The following PLCH2 variants were observed in gnomAD, a reference collection of about 807,000 sequenced individuals.
PLCH2 encodes the protein phospholipase C eta 2.
PLCH2 carries 98 observed loss-of-function variants against 134.7 expected under a neutral mutation model. The ratio of observed to expected loss-of-function variants is 0.73; its 90% CI spans 0.62 to 0.86. PLCH2 has a LOEUF of 0.86. PLCH2 is among the 40% of genes least tolerant of loss of function. PLCH2 has a pLI of 0.00. For missense variants in PLCH2, 1,994 were observed against 1,986.6 expected (o/e 1.00, Z -0.07); for synonymous variants, 974 against 827.5 (o/e 1.18, Z -3.04).
At chr1:2,463,659 G>A (rs572493299), upstream of PLCH2, among the ~76,000 whole-genome samples, 20 of 152,332 alleles carry the variant, frequency 1.3e-4, no homozygotes, top group African/African-American at 3.1e-4. Context: ...CCCGCGACCC[G>A]AGAACAGGGC....
chr1:2,451,649 G>A (rs1471546054), intron 2 of PLCH2, among the ~76,000 whole-genome samples: 1 of 152,210 alleles, frequency 6.6e-6, no homozygotes, highest in Non-Finnish European at 1.5e-5. Context: ...TGACCCCTCA[G>A]AGGGTCAGCC....
At chr1:2,503,147 G>C in intron 21 of PLCH2, 1 of 648,334 alleles carries the variant, frequency 1.5e-6, no homozygotes, top group Non-Finnish European at 2.8e-6. Context: ...TTTGAGGCCC[G>C]ACAGGCTGGG....
chr1:2,505,059 TG>T lies in PLCH2; in HGVS notation c.4100del (p.Gly1367AlafsTer131). ...GAGCGGCAGCAGAGACTGCAGGGCC[TG>T]GGCCGGCAGGGACCCCCAGAAGAGG... ...AQERQQRLQG[L>X]GRQGPPEEER... On this transcript the variant is annotated frameshift_variant, in exon 22 of 22. Transcript: ENST00000378486. LOFTEE classifies it high-confidence loss of function. 1.3e-6 allele frequency: 2 copies of T among 1,539,948 alleles called. No individual in the cohort carries two copies. Among genetic ancestry groups the T allele is most frequent in the Non-Finnish European group, 1.7e-6 (2 of 1,150,158 alleles).
chr1:2,489,312 A>G lies in PLCH2; in HGVS notation c.1341A>G (p.Ser447=), dbSNP rs1261165651. The change falls in exon 9 of 22, where the codon TCA becomes TCG. Residue 447 remains serine, a synonymous_variant. Coordinates refer to ENST00000378486, the MANE Select transcript of PLCH2 (RefSeq NM_014638.4). ...DILGDKLDLS[S]VSSEDATTLP... is the part of the protein sequence containing the mutation. The stretch of plus-strand genomic sequence containing the variant: ...TTGGGGACAAGCTGGACCTGTCATC[A>G]GTGAGCAGTGAAGATGCCACCACAC... The G allele has an allele frequency of 1.9e-6, 3 of 1,613,874 alleles. No homozygotes were observed. Among genetic ancestry groups the G allele is most frequent in the Non-Finnish European group, 2.5e-6 (3 of 1,179,868 alleles).
chr1:2,497,374 G>A (rs1023510167), intron 15 of PLCH2, 128 bp from the exon 16 acceptor site: 20 of 684,338 alleles, frequency 2.9e-5, no homozygotes, highest in Non-Finnish European at 4.9e-5. Context: ...TTCACATTGG[G>A]TGAACGAGGG....
chr1:2,486,267 T>C (rs959797216), intron 5 of PLCH2, among the ~76,000 whole-genome samples: 2 of 152,148 alleles, frequency 1.3e-5, no homozygotes, highest in African/African-American at 4.8e-5. Flanking sequence ...ACTGGTGCCC[T>C]TTGCCTGGCC....
intron 1 of PLCH2, among the ~76,000 whole-genome samples, chr1:2,429,222 G>C (rs1319565177): frequency 6.6e-6 from 1 of 152,174 alleles, no homozygotes; most frequent in African/African-American, 2.4e-5. Context: ...GCCGACAGGA[G>C]CCTGCCCCTC....
chr1:2,480,037 C>A (rs1010161280), intron 3 of PLCH2, 60 bp downstream of exon 3: 3 of 1,582,792 alleles, frequency 1.9e-6, no homozygotes, highest in East Asian at 2.3e-5. Flanking sequence ...GGCTGCTCAC[C>A]CTGGGGGGGC....
upstream of PLCH2, among the ~76,000 whole-genome samples, chr1:2,474,338 G>A (rs1046197498): frequency 7.9e-5 from 12 of 152,274 alleles, no homozygotes; most frequent in Middle Eastern, 6.8e-3. Flanking sequence ...GGGAGTGGGC[G>A]GTCCCTTTGG....
chr1:2,501,956 G>A (rs1160176982), intron 20 of PLCH2, 156 bp from the exon 21 acceptor site: 1 of 615,330 alleles, frequency 1.6e-6, no homozygotes, highest in Non-Finnish European at 2.7e-6. Flanking sequence ...GAAGGCCCTG[G>A]TGTGTCCACA....
upstream of PLCH2, among the ~76,000 whole-genome samples, chr1:2,464,938 C>G (rs953597081): frequency 6.6e-6 from 1 of 152,134 alleles, no homozygotes; most frequent in Non-Finnish European, 1.5e-5. Flanking sequence ...CTGCAGGAGG[C>G]GTTAGGGGCT....
Position 2,448,023 on chromosome 1 carries a change from G to T in PLCH2, c.115+17394G>T, listed in dbSNP as rs1252467052. Among the ~76,000 whole-genome samples, 1 of 152,192 alleles carries T rather than the reference G, an allele frequency of 6.6e-6. No homozygotes were observed. Among genetic ancestry groups the T allele is most frequent in the Non-Finnish European group, 1.5e-5 (1 of 68,030 alleles). On this transcript the variant is annotated intron_variant, in intron 2 of 3. Coordinates refer to the PLCH2 transcript ENST00000609981. The surrounding 1 kb of genome is among the most constrained non-coding windows in gnomAD (Gnocchi z 4.0). ...GTGCCGCAGTGCCTGTGGGTGGAGG[G>T]CATGGTGCCCCTGGCTGCTGTGGTC...
At chr1:2,442,680 G>T (rs1203161397) in intron 2 of PLCH2, among the ~76,000 whole-genome samples, 1 of 152,336 alleles carries the variant, frequency 6.6e-6, no homozygotes, top group Admixed American at 6.5e-5. Flanking sequence ...GGTGCACGGG[G>T]CTGCCCTAGG....
chr1:2,417,792 G>A, the PLCH2 span, among the ~76,000 whole-genome samples: 5 of 152,186 alleles, frequency 3.3e-5, no homozygotes, highest in Non-Finnish European at 7.4e-5. Context: ...CTGGGAGGAG[G>A]GGACGGGCAG....
chr1:2,489,035 A>C (rs1053451464), intron 8 of PLCH2, among the ~76,000 whole-genome samples, 172 bp from the exon 9 acceptor site: 2 of 152,112 alleles, frequency 1.3e-5, no homozygotes, highest in Admixed American at 1.3e-4. Flanking sequence ...TTTCAAAGCC[A>C]TTGACGGGTG....
intron 11 of PLCH2, chr1:2,494,441 G>A: frequency 3.2e-6 from 1 of 308,116 alleles, no homozygotes. Context: ...TCAGGGCCGT[G>A]GAATGCTCGT....
chr1:2,500,230 T>C (rs1315457930), intron 20 of PLCH2: 1 of 171,878 alleles, frequency 5.8e-6, no homozygotes, highest in South Asian at 1.5e-4. Context: ...GAAGTGGTCT[T>C]GGTGCCAGCC....
chr1:2,442,101 G>A (rs911298115), intron 2 of PLCH2, among the ~76,000 whole-genome samples: 21 of 152,150 alleles, frequency 1.4e-4, no homozygotes, highest in African/African-American at 4.3e-4. Context: ...GCCTCTCCGC[G>A]GTGAGCTTTG....
At chr1:2,491,360 CT>C in intron 11 of PLCH2, 25 bp downstream of exon 11, 2 of 1,605,212 alleles carry the variant, frequency 1.2e-6, no homozygotes, top group Non-Finnish European at 1.7e-6. Context: ...GGTGACACCC[CT>C]GATGCCGACA....
Sources: gnomAD v4.1 joint callset for allele counts (sites outside exome capture counted in the v4.1 genomes callset) on GRCh38, gnomAD v4.1.1 for gene constraint, Gnocchi (gnomAD v3.1) non-coding constraint, MANE v1.5 for transcripts, NCBI Gene and HGNC (gene_info 2026-07-23, HGNC 2026-07-21) for gene names.